The following FAM13A variants were observed in gnomAD, a reference collection of about 807,000 sequenced individuals.
FAM13A encodes protein FAM13A.
In FAM13A, 76 loss-of-function variants were observed where a neutral mutation model predicts 129.6. The observed-to-expected ratio is 0.59, with a 90% CI of 0.49 to 0.71. FAM13A has a LOEUF of 0.71. Ranked by LOEUF, FAM13A falls within the 30% of genes least tolerant of loss-of-function variation. The pLI, the probability that FAM13A is intolerant of heterozygous loss-of-function variation, is 0.00. For synonymous variants in FAM13A, 443 were observed against 449.9 expected (o/e 0.98, Z 0.20); for missense variants, 1,108 against 1,249.3 (o/e 0.89, Z 1.70).
At chr4:88,951,011 G>A (rs1000739564) in intron 4 of FAM13A, among the ~76,000 whole-genome samples, 2 of 152,180 alleles carry the variant, frequency 1.3e-5, no homozygotes, top group African/African-American at 2.4e-5. Context: ...GCTCAGGTAC[G>A]AAGGTGTAAA....
intron 6 of FAM13A, among the ~76,000 whole-genome samples, chr4:88,893,686 C>T (rs1745793653): frequency 6.7e-6 from 1 of 150,300 alleles, no homozygotes; most frequent in African/African-American, 2.5e-5. Context: ...GGCGTGGTGG[C>T]GGGCGCCTGT....
chr4:88,911,215 C>A (rs1352956369), intron 5 of FAM13A, among the ~76,000 whole-genome samples: 2 of 152,194 alleles, frequency 1.3e-5, no homozygotes, highest in East Asian at 1.9e-4. Context: ...TTTCTTTCCT[C>A]CAGTCTCCAA....
chr4:89,022,023 A>C (rs1181166034), intron 2 of FAM13A, among the ~76,000 whole-genome samples: 1 of 152,160 alleles, frequency 6.6e-6, no homozygotes, highest in African/African-American at 2.4e-5. Flanking sequence ...TGTAAGAAAC[A>C]ATCTTTCTAA....
chr4:88,726,363 T>G lies in FAM13A; in HGVS notation c.*2170A>C, dbSNP rs530127451. ...CACAACATCTCATACACAATTTATT[T>G]TATATAACTTACTTGGTGTTTTCTT... On this transcript the variant is annotated 3_prime_UTR_variant, in exon 24 of 24. Transcript: ENST00000264344. The G allele has an allele frequency of 2.1e-5, 3 of 144,634 alleles. No homozygotes were observed. The highest frequency in any genetic ancestry group is 8.4e-5 in the African/African-American group (3 of 35,528). The allele number at this position is 144,634 out of a possible 1,614,324, so 9.0% of individuals were successfully genotyped here.
chr4:89,051,025 TA>T (rs768358630), intron 1 of FAM13A, among the ~76,000 whole-genome samples: 46 of 152,258 alleles, frequency 3.0e-4, no homozygotes, highest in Admixed American at 1.2e-3. Context: ...TTGATTCTAC[TA>T]AATAGAGAAC....
chr4:88,921,829 A>G (rs1751147612), intron 5 of FAM13A, among the ~76,000 whole-genome samples: 2 of 152,192 alleles, frequency 1.3e-5, no homozygotes, highest in South Asian at 4.1e-4. Flanking sequence ...AGACAAACAT[A>G]GGCTCAAAAT....
intron 4 of FAM13A, among the ~76,000 whole-genome samples, chr4:88,948,777 C>T (rs1449280674): frequency 6.6e-6 from 1 of 152,164 alleles, no homozygotes; most frequent in African/African-American, 2.4e-5. Flanking sequence ...GTGTGAGTCA[C>T]CGTGCCAGCC....
intron 4 of FAM13A, among the ~76,000 whole-genome samples, chr4:88,947,151 G>T (rs531173712): frequency 2.0e-5 from 3 of 152,284 alleles, no homozygotes; most frequent in East Asian, 3.9e-4. Context: ...GCTCATGCCT[G>T]TAATCCCAGC....
chr4:88,743,853 C>T (rs1453667874), intron 19 of FAM13A, among the ~76,000 whole-genome samples: 1 of 152,148 alleles, frequency 6.6e-6, no homozygotes, highest in Admixed American at 6.5e-5. Context: ...CATAGACAAA[C>T]TATGCGGCCT....
At chr4:88,741,962 CAT>C (rs1232281911) in intron 19 of FAM13A, among the ~76,000 whole-genome samples, 4 of 152,174 alleles carry the variant, frequency 2.6e-5, no homozygotes, top group African/African-American at 9.7e-5. Context: ...GACTGAGACA[CAT>C]GTAATAATCT....
intron 5 of FAM13A, among the ~76,000 whole-genome samples, chr4:88,933,846 G>A (rs1047158276): frequency 6.6e-6 from 1 of 152,118 alleles, no homozygotes; most frequent in African/African-American, 2.4e-5. Flanking sequence ...TCACAACGTA[G>A]CACTCTTCTG....
intron 6 of FAM13A, among the ~76,000 whole-genome samples, chr4:88,899,887 T>C (rs1260856104): frequency 6.6e-6 from 1 of 151,920 alleles, no homozygotes; most frequent in African/African-American, 2.4e-5. Flanking sequence ...AGAATCATAA[T>C]AAAACAATAT....
At chr4:88,940,843 CTT>C (rs1260119174) in intron 4 of FAM13A, among the ~76,000 whole-genome samples, 3 of 152,148 alleles carry the variant, frequency 2.0e-5, no homozygotes, top group Non-Finnish European at 4.4e-5. Flanking sequence ...GTGGATATGC[CTT>C]TCTTATAATG....
At chr4:88,744,614 A>T (rs1740914714) in intron 19 of FAM13A, among the ~76,000 whole-genome samples, 1 of 152,156 alleles carries the variant, frequency 6.6e-6, no homozygotes, top group Non-Finnish European at 1.5e-5. Context: ...TGGGGTTTGG[A>T]ACAATAGTTT....
chr4:88,912,744 G>A (rs1433769401), intron 5 of FAM13A, among the ~76,000 whole-genome samples: 1 of 152,090 alleles, frequency 6.6e-6, no homozygotes, highest in African/African-American at 2.4e-5. Context: ...ATTGGTTATT[G>A]GTTTATTTTC....
intron 14 of FAM13A, among the ~76,000 whole-genome samples, chr4:88,752,977 A>G (rs933028978): frequency 6.6e-6 from 1 of 152,224 alleles, no homozygotes; most frequent in Non-Finnish European, 1.5e-5. Context: ...CAGGGCACGG[A>G]GCTTTCCTGG....
intron 2 of FAM13A, among the ~76,000 whole-genome samples, chr4:89,025,794 A>C (rs1767895761): frequency 6.6e-6 from 1 of 152,210 alleles, no homozygotes; most frequent in African/African-American, 2.4e-5. Context: ...AAAAAAGAAC[A>C]CACAGACGCA....
chr4:88,965,472 G>A (rs1759226702), intron 4 of FAM13A, among the ~76,000 whole-genome samples: 1 of 152,040 alleles, frequency 6.6e-6, no homozygotes, highest in South Asian at 2.1e-4. Context: ...AGAAAAAAAT[G>A]TTCAAATCAC....
At chr4:89,020,282 T>C (rs1253935166) in intron 3 of FAM13A, among the ~76,000 whole-genome samples, 178 bp downstream of exon 3, 20 of 134,308 alleles carry the variant, frequency 1.5e-4, no homozygotes, top group South Asian at 1.1e-3. Context: ...TTTCTGCCCT[T>C]TTTTTTTTTT....
Sources: gnomAD v4.1 joint callset for allele counts (sites outside exome capture counted in the v4.1 genomes callset) on GRCh38, gnomAD v4.1.1 for gene constraint, MANE v1.5 for transcripts, NCBI Gene and HGNC (gene_info 2026-07-23, HGNC 2026-07-21) for gene names.